Variants in TP53BP1 observed in about 807,000 individuals in gnomAD.
TP53BP1 encodes TP53-binding protein 1.
TP53BP1 carries 61 observed loss-of-function variants against 200.8 expected under a neutral mutation model. That is an observed-to-expected ratio of 0.30 (90% CI 0.25 to 0.38). The LOEUF (loss-of-function observed/expected upper bound fraction) is 0.38, where lower values mean the gene tolerates loss of function less well. Ranked by LOEUF, TP53BP1 falls within the 10% of genes least tolerant of loss-of-function variation. TP53BP1 has a pLI of 1.00. For missense variants in TP53BP1, 2,144 were observed against 2,371.9 expected, an observed-to-expected ratio of 0.90 and a Z score of 2.00; for synonymous variants, 822 against 844.3, an observed-to-expected ratio of 0.97 and a Z score of 0.46.
chr15:43,419,755 G>C (rs938599907), intron 21 of TP53BP1, among the ~76,000 whole-genome samples: 1 of 151,874 alleles, frequency 6.6e-6, no homozygotes, highest in East Asian at 1.9e-4. Flanking sequence ...TCCAAATGGA[G>C]GGACATTCCA....
intron 19 of TP53BP1, among the ~76,000 whole-genome samples, chr15:43,421,500 A>G (rs1032826364): frequency 2.0e-5 from 3 of 152,218 alleles, no homozygotes; most frequent in Non-Finnish European, 4.4e-5. Context: ...ACAAAAAGCT[A>G]GGAGATGCAT....
chr15:43,486,567 A>C (rs1349845040), intron 4 of TP53BP1, among the ~76,000 whole-genome samples: 4 of 152,188 alleles, frequency 2.6e-5, no homozygotes, highest in Non-Finnish European at 4.4e-5. Context: ...CTTTGTGAAA[A>C]GGGAGCAAGG....
intron 14 of TP53BP1, 27 bp downstream of exon 14, chr15:43,446,360 A>T: frequency 6.3e-7 from 1 of 1,584,480 alleles, no homozygotes; most frequent in Non-Finnish European, 8.7e-7. Context: ...GCAGCTACTA[A>T]TTACCCAAGA....
intron 14 of TP53BP1, among the ~76,000 whole-genome samples, chr15:43,445,916 T>A (rs1486281943): frequency 2.0e-5 from 3 of 152,170 alleles, no homozygotes; most frequent in East Asian, 3.9e-4. Flanking sequence ...TGCTTTTTTT[T>A]AAAGGCAAAT....
Position 43,409,735 on chromosome 15 carries a change from A to G in TP53BP1, c.5312T>C (p.Leu1771Ser). 6.6e-7 allele frequency: 1 copy of G among 1,519,634 alleles called. No homozygotes were observed. Among genetic ancestry groups the G allele is most frequent in the African/African-American group, 1.4e-5 (1 of 70,546 alleles). 94.1% of individuals were successfully genotyped at this position (1,519,634 alleles called of 1,614,324 possible). A position where few individuals can be genotyped will look rare whatever the true frequency, so the allele number is the denominator to read the frequency against. Reference sequence around the variant, plus strand: ...CTGCTTGTTGAAAGGAGGAATTTCCAAAAATTCTATATTAAAAAAAAAAAC... The same window carrying G: ...CTGCTTGTTGAAAGGAGGAATTTCCGAAAATTCTATATTAAAAAAAAAAAC... ...TGSSEEEEEF[L>S]EIPPFNKQYT... Residue 1771 changes from leucine to serine, a missense_variant, in exon 25 of 28, where the codon TTG becomes TCG. This residue lies in a region of TP53BP1 where 334 missense variants were observed against 453.4 expected (regional missense o/e 0.74). Transcript: ENST00000382044.
intron 18 of TP53BP1, among the ~76,000 whole-genome samples, chr15:43,426,221 C>T (rs955935923): frequency 6.6e-6 from 1 of 151,672 alleles, no homozygotes; most frequent in African/African-American, 2.4e-5. Context: ...AGGCAGATCA[C>T]TTGAGATCAG....
At chr15:43,430,737 A>G (rs570694022) in intron 17 of TP53BP1, among the ~76,000 whole-genome samples, 238 of 152,344 alleles carry the variant, frequency 1.6e-3, no homozygotes, top group Non-Finnish European at 2.6e-3. Context: ...CTTCCTATAC[A>G]TACAGACCTA....
intron 18 of TP53BP1, among the ~76,000 whole-genome samples, chr15:43,427,568 G>A (rs140629022): frequency 1.3e-5 from 2 of 152,278 alleles, no homozygotes; most frequent in African/African-American, 4.8e-5. Flanking sequence ...TTCTAACCCT[G>A]TTCTTCTATC....
At chr15:43,445,686 C>T (rs2046025694) in intron 14 of TP53BP1, among the ~76,000 whole-genome samples, 2 of 151,298 alleles carry the variant, frequency 1.3e-5, no homozygotes, top group Admixed American at 6.8e-5. Context: ...AAGAGTCATT[C>T]TCTCTTTTTT....
intron 1 of TP53BP1, among the ~76,000 whole-genome samples, chr15:43,501,167 T>G (rs1484419875): frequency 6.6e-6 from 1 of 152,110 alleles, no homozygotes; most frequent in Middle Eastern, 3.2e-3. Context: ...GAGGTAAAAT[T>G]TACATACAGT....
chr15:43,408,014 A>T lies in TP53BP1; in HGVS notation c.5675T>A (p.Leu1892His). Residue 1892 changes from leucine (L) to histidine (H), a missense_variant, in exon 27 of 28, where the codon CTC (leucine) becomes CAC (histidine). This residue lies in a region of TP53BP1 where 334 missense variants were observed against 453.4 expected (regional missense o/e 0.74). Transcript: ENST00000382044. ...ACCAGTCATGAGGATCTCAGACCAG[A>T]GCTCCAGGAAGTTCTGCTGTTGGTC... Reference protein sequence around the residue: ...VSDQQQNFLELWSEILMTGGA... With the variant: ...VSDQQQNFLEHWSEILMTGGA... 2 of 1,614,102 alleles carry T rather than the reference A, an allele frequency of 1.2e-6. No individual in the cohort carries two copies. The highest frequency in any genetic ancestry group is 1.7e-6 in the Non-Finnish European group (2 of 1,180,004).
intron 1 of TP53BP1, among the ~76,000 whole-genome samples, chr15:43,505,990 T>A (rs539016171): frequency 6.6e-6 from 1 of 152,184 alleles, no homozygotes; most frequent in African/African-American, 2.4e-5. Flanking sequence ...CTTGGATATT[T>A]TGGTGGATAA....
intron 8 of TP53BP1, among the ~76,000 whole-genome samples, chr15:43,476,972 T>C (rs2078892639): frequency 6.6e-6 from 1 of 152,134 alleles, no homozygotes; most frequent in African/African-American, 2.4e-5. Context: ...AGGCTTAATA[T>C]CATATTGAAG....
At chr15:43,483,827 A>C (rs552382240) in intron 4 of TP53BP1, among the ~76,000 whole-genome samples, 1 of 152,326 alleles carries the variant, frequency 6.6e-6, no homozygotes, top group East Asian at 1.9e-4. Flanking sequence ...AGCTCTTCTT[A>C]GTTTCTTTTG....
At chr15:43,491,925 A>G (rs1381361534) in intron 3 of TP53BP1, 77 bp downstream of exon 3, 1 of 1,248,332 alleles carries the variant, frequency 8.0e-7, no homozygotes. Flanking sequence ...ACACAACCAC[A>G]TAAAGTTTAA....
At chr15:43,446,268 G>GTT (rs1169945221) in intron 14 of TP53BP1, 119 bp downstream of exon 14, 3 of 799,394 alleles carry the variant, frequency 3.8e-6, no homozygotes, top group African/African-American at 3.5e-5. Context: ...ATCTATGAGT[G>GTT]TAAGACTTTA....
At chr15:43,438,536 C>T in intron 15 of TP53BP1, 120 bp from the exon 16 acceptor site, 1 of 712,312 alleles carries the variant, frequency 1.4e-6, no homozygotes, top group Non-Finnish European at 2.2e-6. Flanking sequence ...CTCCAAACCA[C>T]CTTACACCAA....
At chr15:43,459,719 T>G (rs2143011926) in intron 11 of TP53BP1, among the ~76,000 whole-genome samples, 1 of 151,894 alleles carries the variant, frequency 6.6e-6, no homozygotes, top group African/African-American at 2.4e-5. Flanking sequence ...GGCTCTGGAG[T>G]GCAGTGGTGA....
At chr15:43,412,764 T>A in intron 24 of TP53BP1, 1 of 473,912 alleles carries the variant, frequency 2.1e-6, no homozygotes, top group Middle Eastern at 3.2e-4. Flanking sequence ...ATGGTTGCAG[T>A]AGGCTAAAAT....
Sources: allele counts gnomAD v4.1 joint callset (sites outside exome capture counted in the v4.1 genomes callset), GRCh38; gene constraint gnomAD v4.1.1; regional missense constraint gnomAD v4.1.1; transcripts MANE v1.5; gene names NCBI Gene and HGNC (gene_info 2026-07-23, HGNC 2026-07-21).